Variants in EPHB2 observed in about 807,000 individuals in gnomAD.
EPHB2 encodes the protein EPH receptor B2.
EPHB2 carries 18 observed loss-of-function variants against 96.4 expected under a neutral mutation model. The ratio of observed to expected loss-of-function variants is 0.19; its 90% CI spans 0.13 to 0.28. The LOEUF (loss-of-function observed/expected upper bound fraction) is 0.28, where lower values mean the gene tolerates loss of function less well. EPHB2 is among the 10% of genes least tolerant of loss of function. The probability of loss-of-function intolerance (pLI) is 1.00; values close to 1 mark genes in which losing one functional copy is unlikely to be tolerated. For missense variants in EPHB2, 989 were observed against 1,355.4 expected, an observed-to-expected ratio of 0.73 and a Z score of 4.25; for synonymous variants, 506 against 534.1, an observed-to-expected ratio of 0.95 and a Z score of 0.72.
Position 22,728,931 on chromosome 1 carries a change from ACGGCAT to A in EPHB2, c.61+17890_61+17895del, listed in dbSNP as rs1643642890. Among the ~76,000 whole-genome samples the A allele has an allele frequency of 9.2e-5, 14 of 152,292 alleles. No individual in the cohort carries two copies. In the South Asian group the frequency reaches 2.7e-3, roughly 29 times the overall value. ...GGAGGAGTGTTTTCTCGGCTCCCTG[ACGGCAT>A]CTGTCCCAAGGTGCGAGGTTCCAGC... is the stretch of plus-strand genomic sequence containing the variant. On this transcript the variant is annotated intron_variant, in intron 1 of 15. Transcript: ENST00000374630.
chr1:22,840,101 A>G (rs1329176443), intron 3 of EPHB2, among the ~76,000 whole-genome samples: 1 of 152,136 alleles, frequency 6.6e-6, no homozygotes, highest in Non-Finnish European at 1.5e-5. Flanking sequence ...GAATGGATGG[A>G]TGGATGGACA....
At chr1:22,743,986 CAA>C (rs993496272) in intron 1 of EPHB2, among the ~76,000 whole-genome samples, 1 of 152,162 alleles carries the variant, frequency 6.6e-6, no homozygotes, top group African/African-American at 2.4e-5. Flanking sequence ...GGAGTTCTAA[CAA>C]AGAGTTTATA....
chr1:22,762,781 G>A (rs901668776), intron 1 of EPHB2, among the ~76,000 whole-genome samples: 1 of 152,208 alleles, frequency 6.6e-6, no homozygotes, highest in Non-Finnish European at 1.5e-5. Flanking sequence ...TCATTATCAT[G>A]ATTTTCTGTG....
intron 3 of EPHB2, among the ~76,000 whole-genome samples, chr1:22,799,153 C>A (rs994529424): frequency 6.6e-6 from 1 of 152,136 alleles, no homozygotes; most frequent in Non-Finnish European, 1.5e-5. Context: ...CACTTCCCCT[C>A]GCTCCTCCCT....
At position 22,840,414 on chromosome 1, in the gene EPHB2, C is replaced by T. The variant is rs535979629; in HGVS notation, c.812-22623C>T. ...TGTTAGAAATCAAGCCTAGTAGTGACCATCAGGGTGGTAAAACCTTGGATG... is the reference window on the plus strand; with the variant it reads ...TGTTAGAAATCAAGCCTAGTAGTGATCATCAGGGTGGTAAAACCTTGGATG... On this transcript the variant is annotated intron_variant, in intron 3 of 15. Transcript: ENST00000374630. Among the ~76,000 whole-genome samples the T allele has an allele frequency of 3.9e-5, 6 of 152,244 alleles. No individual in the cohort carries two copies. The South Asian group carries it at 1.2e-3, about 32-fold the overall frequency.
intron 3 of EPHB2, among the ~76,000 whole-genome samples, chr1:22,816,546 C>T (rs1485289607): frequency 1.3e-5 from 2 of 152,178 alleles, no homozygotes; most frequent in Admixed American, 1.3e-4. Flanking sequence ...TTCCCTCTGC[C>T]TGTCCCATCT....
chr1:22,800,698 GTA>G lies in EPHB2; in HGVS notation c.811+15626_811+15627del, dbSNP rs533407414. Among the ~76,000 whole-genome samples, 416 of 106,720 alleles carry G rather than the reference GTA, an allele frequency of 3.9e-3. 3 individuals carry two copies. Among genetic ancestry groups the G allele is most frequent in the African/African-American group, 0.01 (348 of 33,762 alleles). The allele number at this position is 106,720 out of a possible 152,430, so 70.0% of individuals were successfully genotyped here. On this transcript the variant is annotated intron_variant, in intron 3 of 15. Transcript: ENST00000374630. ...GCATATGTGAGCCCTATCTGTGTGA[GTA>G]TATGTGTGTGTGTGTGTGTGTGTGC... is the stretch of plus-strand genomic sequence containing the variant.
intron 1 of EPHB2, among the ~76,000 whole-genome samples, chr1:22,745,503 A>G (rs1485394059): frequency 6.6e-6 from 1 of 152,216 alleles, no homozygotes; most frequent in Non-Finnish European, 1.5e-5. Context: ...ACATGGGTAT[A>G]TGCATTTGAG....
chr1:22,892,836 C>G, intron 6 of EPHB2, 48 bp from the exon 7 acceptor site: 1 of 1,613,506 alleles, frequency 6.2e-7, no homozygotes, highest in Non-Finnish European at 8.5e-7. Context: ...GGCTCTGGAC[C>G]CACTATGAGC....
rs1638813458 is a variant in EPHB2 at position 22,875,596 on chromosome 1, T to C, written c.1304-6763T>C. On this transcript the variant is annotated intron_variant, in intron 5 of 15. Transcript: ENST00000374630. This position sits in a 1 kb window ranked among gnomAD's most constrained non-coding sequence, Gnocchi z 4.2. Reference sequence around the variant, plus strand: ...GGGGAGAATCTGTCTGGTCCCCGCTTTTCCCTTTCTCCCTTCCTTCCTCCT... The same window carrying C: ...GGGGAGAATCTGTCTGGTCCCCGCTCTTCCCTTTCTCCCTTCCTTCCTCCT... Among the ~76,000 whole-genome samples, 1 of 152,120 alleles carries C rather than the reference T, an allele frequency of 6.6e-6. No individual in the cohort carries two copies. The highest frequency in any genetic ancestry group is 1.5e-5 in the Non-Finnish European group (1 of 68,014).
Position 22,815,887 on chromosome 1 carries a change from A to G in EPHB2, c.811+30811A>G, listed in dbSNP as rs111707303. 6.4e-3 allele frequency among the ~76,000 whole-genome samples: 968 copies of G among 152,226 alleles called. 6 individuals carry two copies. Among genetic ancestry groups the G allele is most frequent in the Non-Finnish European group, 8.6e-3 (585 of 68,010 alleles). ...TGTCTAAGCTCCCAGTTTTCTCTCC[A>G]AGGGCTCAGTCTATGAAGCCACCAT... On this transcript the variant is annotated intron_variant, in intron 3 of 15. Transcript: ENST00000374630.
intron 6 of EPHB2, among the ~76,000 whole-genome samples, chr1:22,886,403 C>T (rs754171307): frequency 3.9e-4 from 59 of 152,132 alleles, no homozygotes; most frequent in Admixed American, 5.2e-4. Flanking sequence ...AGTCTGGATT[C>T]GATTTAAAGT....
rs1268731312 is a variant in EPHB2, at chr1:22,848,384, CT to C, written c.812-14652del. On this transcript the variant is annotated intron_variant, in intron 3 of 15. Coordinates refer to ENST00000374630, the MANE Select transcript of EPHB2 (RefSeq NM_017449.5). ...AAACAAGCTGGAGGCCTGAGATGGC[CT>C]GTCCACTATCGCTCGGTGGACCTCC... Among the ~76,000 whole-genome samples, 3 of 152,188 alleles carry C rather than the reference CT, an allele frequency of 2.0e-5. No individual in the cohort carries two copies. The East Asian group carries it at 5.8e-4, about 29-fold the overall frequency.
At chr1:22,831,749 G>A (rs1206689019) in intron 3 of EPHB2, among the ~76,000 whole-genome samples, 2 of 152,144 alleles carry the variant, frequency 1.3e-5, no homozygotes, top group African/African-American at 4.8e-5. Context: ...GGTGGGAGAT[G>A]CTGACCTGGG....
In EPHB2 at chr1:22,906,698, T is replaced by C. The variant is rs760151525; in HGVS notation, c.1889-12T>C. 3 of 1,614,032 alleles carry C rather than the reference T, an allele frequency of 1.9e-6. No individual in the cohort carries two copies. In the South Asian group the frequency reaches 3.3e-5, roughly 18 times the overall value. On this transcript the variant is annotated splice_polypyrimidine_tract_variant and intron_variant, in intron 10 of 15. Coordinates refer to ENST00000374630, the MANE Select transcript of EPHB2 (RefSeq NM_017449.5). The surrounding 1 kb of genome is among the most constrained non-coding windows in gnomAD (Gnocchi z 4.8). ...AAGTGACATCCTGTCTGTCTTGGTG[T>C]TTCTCTCTCAGGGGAGTTTGGCGAG...
At chr1:22,874,033 C>T (rs564306483) in intron 5 of EPHB2, among the ~76,000 whole-genome samples, 1 of 152,296 alleles carries the variant, frequency 6.6e-6, no homozygotes, top group South Asian at 2.1e-4. Context: ...AACTTGCCTG[C>T]AGTCACACAT....
At chr1:22,762,841 C>T (rs1221476473) in intron 1 of EPHB2, among the ~76,000 whole-genome samples, 3 of 152,150 alleles carry the variant, frequency 2.0e-5, no homozygotes, top group East Asian at 3.9e-4. Flanking sequence ...GTGAACTCTG[C>T]GCTGGCTGCA....
At position 22,798,805 on chromosome 1, in the gene EPHB2, A is replaced by G. The variant is rs116067842; in HGVS notation, c.811+13729A>G. ...TAACAACAGGTTTGAAGGTTTGAAG[A>G]GGCTCCGAGGAGTCAAAGGAGCTCA... On this transcript the variant is annotated intron_variant, in intron 3 of 15. Transcript: ENST00000374630. 2.8e-3 allele frequency among the ~76,000 whole-genome samples: 428 copies of G among 152,230 alleles called. 3 individuals carry two copies. Among genetic ancestry groups the G allele is most frequent in the African/African-American group, 9.6e-3 (400 of 41,538 alleles).
At chr1:22,908,265 G>T in intron 12 of EPHB2, 97 bp downstream of exon 12, 1 of 1,455,538 alleles carries the variant, frequency 6.9e-7, no homozygotes, top group Non-Finnish European at 9.5e-7. Flanking sequence ...ACGCCCAATT[G>T]GGCCAAGCAC....
Sources: gnomAD v4.1 joint callset for allele counts (sites outside exome capture counted in the v4.1 genomes callset) on GRCh38, gnomAD v4.1.1 for gene constraint, Gnocchi (gnomAD v3.1) non-coding constraint, MANE v1.5 for transcripts, NCBI Gene and HGNC (gene_info 2026-07-23, HGNC 2026-07-21) for gene names.